Variants in GRAMD1B observed in about 807,000 individuals in gnomAD.
GRAMD1B encodes the protein GRAM domain containing 1B.
In GRAMD1B, 37 loss-of-function variants were observed where a neutral mutation model predicts 99.7. The ratio of observed to expected loss-of-function variants is 0.37; its 90% CI spans 0.29 to 0.49. GRAMD1B has a LOEUF of 0.49. Ranked by LOEUF, GRAMD1B falls within the 20% of genes least tolerant of loss-of-function variation. GRAMD1B has a pLI of 0.98. For synonymous variants in GRAMD1B, 427 were observed against 387.6 expected (o/e 1.10, Z -1.19); for missense variants, 888 against 1,009.2 (o/e 0.88, Z 1.63).
chr11:123,560,351 C>A, intron 2 of GRAMD1B: 1 of 1,168,258 alleles, frequency 8.6e-7, no homozygotes, highest in Non-Finnish European at 1.1e-6. Context: ...TAAGGCGGCA[C>A]GACCACACCA....
At chr11:123,363,197 T>C (rs953045199) in intron 1 of GRAMD1B, among the ~76,000 whole-genome samples, 8 of 152,182 alleles carry the variant, frequency 5.3e-5, no homozygotes, top group African/African-American at 1.4e-4. Context: ...AGGCTTCTCA[T>C]TGAAGCTGTC....
chr11:123,390,446 T>C (rs1002280537), intron 1 of GRAMD1B, among the ~76,000 whole-genome samples: 4 of 152,132 alleles, frequency 2.6e-5, no homozygotes, highest in Non-Finnish European at 5.9e-5. Flanking sequence ...CTCCCAATCT[T>C]CCTTGAGCAT....
chr11:123,536,878 T>C (rs1373487796), intron 2 of GRAMD1B, among the ~76,000 whole-genome samples: 1 of 152,208 alleles, frequency 6.6e-6, no homozygotes, highest in Non-Finnish European at 1.5e-5. Flanking sequence ...GAACTTGTTC[T>C]ACATTTACTG....
At chr11:123,455,647 T>A (rs1012185271) in intron 1 of GRAMD1B, among the ~76,000 whole-genome samples, 3 of 152,210 alleles carry the variant, frequency 2.0e-5, no homozygotes, top group African/African-American at 7.2e-5. Context: ...GCCCTTAACA[T>A]ATTTTTTAGC....
At chr11:123,415,044 A>G (rs1287752224) in intron 1 of GRAMD1B, among the ~76,000 whole-genome samples, 1 of 149,830 alleles carries the variant, frequency 6.7e-6, no homozygotes, top group Admixed American at 6.6e-5. Context: ...AAGGCCCCTA[A>G]GGCTGCCAGG....
At chr11:123,613,247 A>G in intron 15 of GRAMD1B, 3 of 586,672 alleles carry the variant, frequency 5.1e-6, no homozygotes, top group Non-Finnish European at 9.1e-6. Flanking sequence ...TTGGGAACAT[A>G]TGGTTCCTTG....
At chr11:123,523,179 A>G (rs1302247516) in intron 2 of GRAMD1B, among the ~76,000 whole-genome samples, 1 of 152,136 alleles carries the variant, frequency 6.6e-6, no homozygotes, top group Non-Finnish European at 1.5e-5. Flanking sequence ...TAAAAATACA[A>G]AAATTAACCG....
intron 2 of GRAMD1B, among the ~76,000 whole-genome samples, chr11:123,563,920 A>G (rs1947074996): frequency 6.6e-6 from 1 of 152,178 alleles, no homozygotes; most frequent in South Asian, 2.1e-4. Flanking sequence ...CCGACCTCTT[A>G]CAGTTTTCTC....
chr11:123,494,802 G>A (rs560444471), intron 2 of GRAMD1B, among the ~76,000 whole-genome samples: 4 of 152,242 alleles, frequency 2.6e-5, no homozygotes, highest in African/African-American at 9.6e-5. Context: ...CAGCCTCAGC[G>A]AAGAAGGAAT....
Position 123,613,564 on chromosome 11 carries a change from T to C in GRAMD1B, c.2133T>C (p.His711=), listed in dbSNP as rs1953903238. The C allele has an allele frequency of 6.2e-7, 1 of 1,613,666 alleles. No individual in the cohort carries two copies. Among genetic ancestry groups the C allele is most frequent in the South Asian group, 1.1e-5 (1 of 91,020 alleles). ...TTTVRRRKRP[H]AHLRVPHLEE... ...CGGTGCGGAGGAGGAAGCGTCCCCATGCCCACCTGCGAGTCCCTCACCTGG... is the reference window on the plus strand; with the variant it reads ...CGGTGCGGAGGAGGAAGCGTCCCCACGCCCACCTGCGAGTCCCTCACCTGG... The change falls in exon 16 of 20, where the codon CAT becomes CAC. Residue 711 remains histidine, a synonymous_variant. Transcript: ENST00000635736.
intron 2 of GRAMD1B, among the ~76,000 whole-genome samples, chr11:123,513,174 A>G (rs1374675936): frequency 2.0e-5 from 3 of 152,190 alleles, no homozygotes; most frequent in Admixed American, 2.0e-4. Flanking sequence ...CTGAGATACT[A>G]TTCCCAGAAT....
chr11:123,602,425 G>A (rs551746738), intron 8 of GRAMD1B, among the ~76,000 whole-genome samples: 1 of 152,114 alleles, frequency 6.6e-6, no homozygotes, highest in African/African-American at 2.4e-5. Flanking sequence ...ACAACGTGCA[G>A]GTTAGTTCTA....
intron 5 of GRAMD1B, 123 bp from the exon 6 acceptor site, chr11:123,594,612 C>T (rs929969972): frequency 1.5e-6 from 1 of 654,070 alleles, no homozygotes; most frequent in African/African-American, 1.8e-5. Flanking sequence ...GTCTGGCACC[C>T]CTTGTCCGTG....
chr11:123,389,729 T>C (rs1947205869), intron 1 of GRAMD1B, among the ~76,000 whole-genome samples: 1 of 152,122 alleles, frequency 6.6e-6, no homozygotes, highest in South Asian at 2.1e-4. Flanking sequence ...GAGCTCTGTG[T>C]ATTATCTTCA....
chr11:123,559,624 A>G, intron 2 of GRAMD1B: 1 of 982,270 alleles, frequency 1.0e-6, no homozygotes, highest in Non-Finnish European at 1.2e-6. Flanking sequence ...GGACAGAGAA[A>G]AAAAAAACAC....
rs562352075 is a variant in GRAMD1B, at chr11:123,613,926, A to G, written c.2227+268A>G. 2.0e-5 allele frequency among the ~76,000 whole-genome samples: 3 copies of G among 152,196 alleles called. No individual in the cohort carries two copies. The South Asian group carries it at 6.2e-4, about 32-fold the overall frequency. On this transcript the variant is annotated intron_variant, in intron 16 of 19. Transcript: ENST00000635736. Reference sequence around the variant, plus strand: ...TTCGTGTTGCCCTAGTTCCATGGCTACCTGCATAGGCTCAAGTATGAAGCT... The same window carrying G: ...TTCGTGTTGCCCTAGTTCCATGGCTGCCTGCATAGGCTCAAGTATGAAGCT...
chr11:123,564,435 G>C (rs1200908300), intron 2 of GRAMD1B, among the ~76,000 whole-genome samples: 1 of 152,230 alleles, frequency 6.6e-6, no homozygotes, highest in African/African-American at 2.4e-5. Context: ...CGGAAGCTCA[G>C]AGAGGAGTAG....
chr11:123,469,611 T>A (rs560414830), intron 1 of GRAMD1B, among the ~76,000 whole-genome samples: 1 of 152,308 alleles, frequency 6.6e-6, no homozygotes, highest in Admixed American at 6.5e-5. Flanking sequence ...GAGACTCCTG[T>A]TGGACATTTA....
At chr11:123,515,101 G>A (rs143369762) in intron 2 of GRAMD1B, among the ~76,000 whole-genome samples, 21 of 152,330 alleles carry the variant, frequency 1.4e-4, no homozygotes, top group Non-Finnish European at 8.8e-5. Flanking sequence ...CTGACACGAC[G>A]TAGTTCCTAA....
Sources: gnomAD v4.1 joint callset for allele counts (sites outside exome capture counted in the v4.1 genomes callset) on GRCh38, gnomAD v4.1.1 for gene constraint, MANE v1.5 for transcripts, NCBI Gene and HGNC (gene_info 2026-07-23, HGNC 2026-07-21) for gene names.